Variants in SLC4A4 observed in about 807,000 individuals in gnomAD.
SLC4A4 encodes the protein solute carrier family 4 member 4, also known as electrogenic sodium bicarbonate cotransporter 1.
In SLC4A4, 27 loss-of-function variants were observed where a neutral mutation model predicts 111.5. That is an observed-to-expected ratio of 0.24 (90% CI 0.18 to 0.33). The LOEUF (loss-of-function observed/expected upper bound fraction) is 0.33. SLC4A4 is among the 10% of genes least tolerant of loss of function. The pLI, the probability that SLC4A4 is intolerant of heterozygous loss-of-function variation, is 1.00. For missense variants in SLC4A4, 909 were observed against 1,315.5 expected (o/e 0.69, Z 4.78); for synonymous variants, 443 against 463.4 (o/e 0.96, Z 0.57).
At chr4:71,156,393 A>G (rs2148974912) in intron 2 of SLC4A4, among the ~76,000 whole-genome samples, 1 of 152,258 alleles carries the variant, frequency 6.6e-6, no homozygotes, top group Non-Finnish European at 1.5e-5. Context: ...TTAGGTACAC[A>G]TGTCATGCTT....
At chr4:71,163,684 C>T (rs1249762729) in intron 2 of SLC4A4, among the ~76,000 whole-genome samples, 1 of 152,202 alleles carries the variant, frequency 6.6e-6, no homozygotes, top group Non-Finnish European at 1.5e-5. Flanking sequence ...TTAGTCTAAA[C>T]CAGGGGTTGG....
intron 3 of SLC4A4, among the ~76,000 whole-genome samples, chr4:71,330,566 C>G (rs547724673): frequency 6.6e-6 from 1 of 152,234 alleles, no homozygotes; most frequent in Non-Finnish European, 1.5e-5. Context: ...TTCCTTACAC[C>G]TTATACAAAA....
intron 3 of SLC4A4, among the ~76,000 whole-genome samples, chr4:71,272,720 G>T (rs1264231329): frequency 2.6e-5 from 4 of 152,094 alleles, no homozygotes; most frequent in Non-Finnish European, 5.9e-5. Context: ...ATATGACTTT[G>T]ACATGAAAAG....
chr4:71,126,022 A>C, intron 2 of SLC4A4, among the ~76,000 whole-genome samples: 1 of 152,126 alleles, frequency 6.6e-6, no homozygotes, highest in East Asian at 1.9e-4. Flanking sequence ...TTTTCATGTG[A>C]TGATTATTTT....
intron 2 of SLC4A4, among the ~76,000 whole-genome samples, chr4:71,143,258 TC>T: frequency 6.6e-6 from 1 of 152,146 alleles, no homozygotes; most frequent in African/African-American, 2.4e-5. Context: ...TTCATCCATG[TC>T]CCTACAAAGG....
intron 3 of SLC4A4, among the ~76,000 whole-genome samples, chr4:71,325,712 C>A (rs1727449766): frequency 6.6e-6 from 1 of 151,924 alleles, no homozygotes; most frequent in Non-Finnish European, 1.5e-5. Context: ...CTGTGTGTGG[C>A]AAGAAGTTGT....
intron 7 of SLC4A4, chr4:71,437,675 A>T: frequency 2.1e-6 from 1 of 467,778 alleles, no homozygotes; most frequent in Non-Finnish European, 4.3e-6. Context: ...CTGAGAGCAC[A>T]GGCCATGCCA....
intron 2 of SLC4A4, among the ~76,000 whole-genome samples, chr4:71,249,445 A>G (rs1720905555): frequency 6.6e-6 from 1 of 152,128 alleles, no homozygotes; most frequent in African/African-American, 2.4e-5. Context: ...ACCCCCTGGT[A>G]ACTGCAAAAT....
chr4:71,424,662 T>TA (rs1722926586), intron 7 of SLC4A4, among the ~76,000 whole-genome samples: 1 of 152,100 alleles, frequency 6.6e-6, no homozygotes, highest in African/African-American at 2.4e-5. Context: ...TATGCAGCCA[T>TA]AAAAAATGAT....
intron 3 of SLC4A4, among the ~76,000 whole-genome samples, chr4:71,274,618 AT>A (rs1260090249): frequency 1.3e-5 from 2 of 152,048 alleles, no homozygotes; most frequent in Non-Finnish European, 2.9e-5. Context: ...GCTCTGTAGA[AT>A]TTTTTTTCAT....
chr4:71,551,740 G>A (rs1255263283), intron 20 of SLC4A4, among the ~76,000 whole-genome samples: 1 of 151,814 alleles, frequency 6.6e-6, no homozygotes, highest in Admixed American at 6.6e-5. Context: ...CAGCTTCTTT[G>A]ATCCAACTTC....
intron 16 of SLC4A4, among the ~76,000 whole-genome samples, chr4:71,515,422 G>C (rs1224136932): frequency 6.6e-6 from 1 of 152,132 alleles, no homozygotes; most frequent in Non-Finnish European, 1.5e-5. Context: ...CATTCCATGT[G>C]CTGATGAAAG....
chr4:71,270,501 A>G (rs1051382337), intron 3 of SLC4A4, among the ~76,000 whole-genome samples: 2 of 152,188 alleles, frequency 1.3e-5, no homozygotes, highest in African/African-American at 2.4e-5. Flanking sequence ...TTGTTAGTGA[A>G]GGGGATGGGT....
chr4:71,092,171 C>T (rs1310970371), intron 1 of SLC4A4, among the ~76,000 whole-genome samples: 2 of 152,146 alleles, frequency 1.3e-5, no homozygotes, highest in African/African-American at 4.8e-5. Flanking sequence ...ATAATGTAAA[C>T]ATGTAAACAG....
At chr4:71,317,703 G>C (rs1041102996) in intron 3 of SLC4A4, among the ~76,000 whole-genome samples, 5 of 152,050 alleles carry the variant, frequency 3.3e-5, no homozygotes, top group African/African-American at 1.2e-4. Context: ...CACAAATACA[G>C]TAGAAATAGA....
chr4:71,347,122 G>A (rs1456147468), intron 4 of SLC4A4, among the ~76,000 whole-genome samples: 1 of 152,004 alleles, frequency 6.6e-6, no homozygotes, highest in African/African-American at 2.4e-5. Flanking sequence ...ATCCACCCTA[G>A]TTTGGATTTA....
chr4:71,520,861 G>A (rs1247737902), intron 16 of SLC4A4, among the ~76,000 whole-genome samples: 2 of 151,900 alleles, frequency 1.3e-5, no homozygotes, highest in Non-Finnish European at 2.9e-5. Context: ...GGGTGGCTAG[G>A]GGTGGGAGAG....
chr4:71,112,156 G>C (rs901805492), intron 2 of SLC4A4, among the ~76,000 whole-genome samples: 1 of 152,216 alleles, frequency 6.6e-6, no homozygotes, highest in African/African-American at 2.4e-5. Context: ...TATGGCACCA[G>C]ATTTCTGCAA....
chr4:71,515,154 C>T (rs190750845), intron 16 of SLC4A4, among the ~76,000 whole-genome samples: 6 of 151,946 alleles, frequency 3.9e-5, no homozygotes, highest in African/African-American at 1.4e-4. Flanking sequence ...CTGAATTCCA[C>T]AGGTTTGGGT....
Sources: allele counts gnomAD v4.1 joint callset (sites outside exome capture counted in the v4.1 genomes callset), GRCh38; gene constraint gnomAD v4.1.1; transcripts MANE v1.5; gene names NCBI Gene and HGNC (gene_info 2026-07-23, HGNC 2026-07-21).